NPFFR2: variants seen among roughly 807,000 people sequenced by gnomAD.
NPFFR2 encodes the protein neuropeptide FF receptor 2, also known as G-protein coupled receptor 74.
Under a neutral mutation model 13.1 loss-of-function variants are expected in NPFFR2, and 15 were observed. That is an observed-to-expected ratio of 1.15 (90% CI 0.77 to 1.76). The LOEUF (loss-of-function observed/expected upper bound fraction) is 1.76, where lower values mean the gene tolerates loss of function less well. Ranked by LOEUF, NPFFR2 falls within the 40% of genes most tolerant of loss-of-function variation. The pLI, the probability that NPFFR2 is intolerant of heterozygous loss-of-function variation, is 0.00. For synonymous variants in NPFFR2, 190 were observed against 175.7 expected, an observed-to-expected ratio of 1.08 and a Z score of -0.65; for missense variants, 572 against 503.5, an observed-to-expected ratio of 1.14 and a Z score of -1.30.
At chr4:72,128,348 TATA>T (rs1460285371) in intron 1 of NPFFR2, among the ~76,000 whole-genome samples, 1 of 152,146 alleles carries the variant, frequency 6.6e-6, no homozygotes, top group Non-Finnish European at 1.5e-5. Flanking sequence ...AGAAATAAAA[TATA>T]ATAATAACCA....
intron 1 of NPFFR2, among the ~76,000 whole-genome samples, chr4:72,103,121 AT>A (rs2109812081): frequency 6.6e-6 from 1 of 152,278 alleles, no homozygotes; most frequent in Non-Finnish European, 1.5e-5. Context: ...GAATGAGGAA[AT>A]ATTATAGGCT....
chr4:72,119,866 C>T (rs369160758), intron 1 of NPFFR2, among the ~76,000 whole-genome samples: 1 of 152,168 alleles, frequency 6.6e-6, no homozygotes, highest in African/African-American at 2.4e-5. Flanking sequence ...TGGGCAGACA[C>T]CCAGCTAGCT....
intron 1 of NPFFR2, among the ~76,000 whole-genome samples, chr4:72,096,123 C>T (rs1029606658): frequency 5.3e-5 from 8 of 152,120 alleles, no homozygotes; most frequent in Non-Finnish European, 4.4e-5. Context: ...GATAGTTTAA[C>T]ATTCCTTCCA....
chr4:72,087,130 G>A (rs964221442), intron 1 of NPFFR2, among the ~76,000 whole-genome samples: 18 of 151,990 alleles, frequency 1.2e-4, no homozygotes, highest in African/African-American at 1.7e-4. Context: ...GATGATGTAC[G>A]TATTTTGGTG....
chr4:72,081,200 T>G (rs1720607467), intron 1 of NPFFR2, among the ~76,000 whole-genome samples: 2 of 152,198 alleles, frequency 1.3e-5, no homozygotes, highest in Admixed American at 1.3e-4. Flanking sequence ...TGCTTATTTT[T>G]TAAAAGAAAA....
chr4:72,138,634 C>T lies in NPFFR2; in HGVS notation c.428+495C>T, dbSNP rs575999276. On this transcript the variant is annotated intron_variant, in intron 3 of 3. Coordinates refer to ENST00000308744, the MANE Select transcript of NPFFR2 (RefSeq NM_004885.3). ...CATAGTATTCCATGGTGTATATGTG[C>T]CACAATTTTCTTAATCCAGTATATC... 3.3e-5 allele frequency among the ~76,000 whole-genome samples: 5 copies of T among 152,236 alleles called. No homozygotes were observed. The East Asian group carries it at 9.7e-4, about 29-fold the overall frequency.
chr4:72,141,163 G>A (rs937103490), intron 3 of NPFFR2, among the ~76,000 whole-genome samples: 3 of 150,860 alleles, frequency 2.0e-5, no homozygotes, highest in Admixed American at 1.3e-4. Flanking sequence ...TCCTTTATTA[G>A]TGTTGCTAGT....
At chr4:72,042,995 A>C (rs1349582859) in intron 1 of NPFFR2, among the ~76,000 whole-genome samples, 2 of 152,126 alleles carry the variant, frequency 1.3e-5, no homozygotes, top group Non-Finnish European at 2.9e-5. Flanking sequence ...GGAGGGAAAA[A>C]TGGTTTCTTA....
In NPFFR2 at chr4:72,063,467, G is replaced by A. The variant is rs1052029406; in HGVS notation, c.-8+31267G>A. Among the ~76,000 whole-genome samples the A allele has an allele frequency of 2.6e-5, 4 of 152,322 alleles. No individual in the cohort carries two copies. The South Asian group carries it at 8.3e-4, about 32-fold the overall frequency. ...CAGCTTCTAAAGAAATGGTTTTGAA[G>A]TGATTAAGAAGAAAAAGCTTTATAA... On this transcript the variant is annotated intron_variant, in intron 1 of 3. Coordinates refer to ENST00000308744, the MANE Select transcript of NPFFR2 (RefSeq NM_004885.3).
At chr4:72,115,851 C>T (rs1721698732) in intron 1 of NPFFR2, among the ~76,000 whole-genome samples, 1 of 152,068 alleles carries the variant, frequency 6.6e-6, no homozygotes. Flanking sequence ...ATTTAGACTT[C>T]ATAAAAGGTA....
At chr4:72,082,402 A>G (rs1205105246) in intron 1 of NPFFR2, among the ~76,000 whole-genome samples, 1 of 152,168 alleles carries the variant, frequency 6.6e-6, no homozygotes, top group Non-Finnish European at 1.5e-5. Flanking sequence ...CTGCTCTAGC[A>G]AAGATAATCT....
chr4:72,060,921 C>T (rs566900774), intron 1 of NPFFR2, among the ~76,000 whole-genome samples: 8 of 152,254 alleles, frequency 5.3e-5, no homozygotes, highest in African/African-American at 1.2e-4. Flanking sequence ...ACAAATATCA[C>T]ATTTTTCACT....
At chr4:72,126,266 A>G (rs1242229733) in intron 1 of NPFFR2, among the ~76,000 whole-genome samples, 6 of 152,224 alleles carry the variant, frequency 3.9e-5, no homozygotes, top group Admixed American at 6.5e-5. Context: ...TTGTGGGTAG[A>G]TAATTTCAGA....
At chr4:72,041,019 CA>C (rs1165132423) in intron 1 of NPFFR2, among the ~76,000 whole-genome samples, 3 of 151,236 alleles carry the variant, frequency 2.0e-5, no homozygotes, top group East Asian at 3.9e-4. Flanking sequence ...ATTTTATATT[CA>C]GGGGGTACAT....
At chr4:72,051,722 G>T (rs1719589126) in intron 1 of NPFFR2, among the ~76,000 whole-genome samples, 1 of 152,094 alleles carries the variant, frequency 6.6e-6, no homozygotes, top group African/African-American at 2.4e-5. Context: ...TCTTTGAAAG[G>T]ATCAACAAAA....
chr4:72,122,271 C>T (rs578167773), intron 1 of NPFFR2, among the ~76,000 whole-genome samples: 87 of 152,268 alleles, frequency 5.7e-4, no homozygotes, highest in Middle Eastern at 3.4e-3. Context: ...TAGACACCTA[C>T]AAAGAGACTT....
chr4:72,138,005 T>C lies in NPFFR2; in HGVS notation c.329-35T>C, dbSNP rs769996281. On this transcript the variant is annotated intron_variant, in intron 2 of 3. Transcript: ENST00000308744. ...CATTTTCAGTGAGATTTTGAAAATA[T>C]GATCTTTTGAAAGACTGTTTCATTT... 4.7e-6 allele frequency: 7 copies of C among 1,482,742 alleles called. No individual in the cohort carries two copies. The African/African-American group carries it at 6.9e-5, about 15-fold the overall frequency. 91.8% of individuals were successfully genotyped at this position (1,482,742 alleles called of 1,614,324 possible).
At position 72,129,162 on chromosome 4, in the gene NPFFR2, G is replaced by T. The variant is rs1578475036; in HGVS notation, c.328+243G>T. Among the ~76,000 whole-genome samples the T allele has an allele frequency of 2.6e-5, 4 of 152,268 alleles. No individual in the cohort carries two copies. In the South Asian group the frequency reaches 8.3e-4, roughly 32 times the overall value. ...AAAAGTGATATAATAGAAACAGAAA[G>T]TGGAGGCTGCTATTTTTATAGAGTA... On this transcript the variant is annotated intron_variant, in intron 2 of 3. Coordinates refer to ENST00000308744, the MANE Select transcript of NPFFR2 (RefSeq NM_004885.3).
chr4:72,103,498 T>A (rs1022430668), intron 1 of NPFFR2, among the ~76,000 whole-genome samples: 18 of 152,082 alleles, frequency 1.2e-4, no homozygotes, highest in African/African-American at 2.2e-4. Context: ...TCTTTTTTTT[T>A]ATATTTTACT....
Sources: gnomAD v4.1 joint callset for allele counts (sites outside exome capture counted in the v4.1 genomes callset) on GRCh38, gnomAD v4.1.1 for gene constraint, MANE v1.5 for transcripts, NCBI Gene and HGNC (gene_info 2026-07-23, HGNC 2026-07-21) for gene names.